Variants in TECTA observed in about 807,000 individuals in gnomAD.
TECTA encodes the protein alpha-tectorin.
TECTA carries 128 observed loss-of-function variants against 216.8 expected under a neutral mutation model. That is an observed-to-expected ratio of 0.59 (90% CI 0.51 to 0.68). The LOEUF is 0.68. TECTA is among the 30% of genes least tolerant of loss of function. The pLI is 0.00. For synonymous variants in TECTA, 1,089 were observed against 1,117.1 expected, an observed-to-expected ratio of 0.97 and a Z score of 0.50; for missense variants, 2,551 against 2,786.2, an observed-to-expected ratio of 0.92 and a Z score of 1.90.
chr11:121,149,118 C>T (rs1035498510), intron 12 of TECTA, among the ~76,000 whole-genome samples: 2 of 152,138 alleles, frequency 1.3e-5, no homozygotes, highest in Non-Finnish European at 2.9e-5. Flanking sequence ...ACTCATAGTC[C>T]CATTTTTTAG....
Position 121,113,475 on chromosome 11 carries a change from TA to T in TECTA, c.625-73del. ...TCTTGATTTTAGAGGTGCTGGATTT[TA>T]AAAATAAGGTAGTTGGGCCAGTTAA... On this transcript the variant is annotated intron_variant, in intron 5 of 23. Coordinates refer to ENST00000392793, the MANE Select transcript of TECTA (RefSeq NM_005422.4). This position sits in a 1 kb window ranked among gnomAD's most constrained non-coding sequence, Gnocchi z 4.2. 6.3e-7 allele frequency: 1 copy of T among 1,593,422 alleles called. No individual in the cohort carries two copies.
chr11:121,147,597 G>A (rs118061251), intron 12 of TECTA, among the ~76,000 whole-genome samples: 2 of 152,302 alleles, frequency 1.3e-5, no homozygotes, highest in African/African-American at 2.4e-5. Context: ...GGCTACTCTG[G>A]ATTCATTGGG....
Position 121,157,855 on chromosome 11 carries a change from T to G in TECTA, c.4320T>G (p.Phe1440Leu). The change falls in exon 14 of 24, where the codon TTT becomes TTG. Residue 1440 changes from phenylalanine to leucine, a missense_variant. This residue lies in a region of TECTA where 2,375 missense variants were observed against 2,563.9 expected (regional missense o/e 0.93). Transcript: ENST00000392793. Reference sequence around the variant, plus strand: ...CTCTCTTCCAGCCCAAGCAGCTATTTTGGAACAGCGACTGCACGCGGCGCT... The same window carrying G: ...CTCTCTTCCAGCCCAAGCAGCTATTGTGGAACAGCGACTGCACGCGGCGCT... ...DGKYYEPKQL[F>L]WNSDCTRRCR... 3 of 1,614,160 alleles carry G rather than the reference T, an allele frequency of 1.9e-6. No homozygotes were observed. The South Asian group carries it at 3.3e-5, about 18-fold the overall frequency.
Position 121,127,851 on chromosome 11 carries a change from C to T in TECTA, c.1874C>T (p.Thr625Met), listed in dbSNP as rs769750752. The change falls in exon 9 of 24, where the codon ACG becomes ATG. Residue 625 changes from threonine (T) to methionine (M), a missense_variant. By Grantham distance (81) the Thr-to-Met change is moderately conservative. This residue lies in a region of TECTA where 2,375 missense variants were observed against 2,563.9 expected (regional missense o/e 0.93). Transcript: ENST00000392793. This position sits in a 1 kb window ranked among gnomAD's most constrained non-coding sequence, Gnocchi z 5.0. ...SDLTASRNCA[T>M]PCTEGCECNQ... ...CTGACGGCCTCGCGGAACTGCGCCA[C>T]GCCGTGCACAGAGGGCTGCGAGTGC... is the stretch of plus-strand genomic sequence containing the variant. 28 of 1,614,080 alleles carry T rather than the reference C, an allele frequency of 1.7e-5. No individual in the cohort carries two copies. The highest frequency in any genetic ancestry group is 3.3e-4 in the Middle Eastern group (2 of 6,062).
At position 121,131,948 on chromosome 11, in the gene TECTA, C is replaced by T. The variant is rs1331517050; in HGVS notation, c.2941+1737C>T. Among the ~76,000 whole-genome samples, 4 of 152,148 alleles carry T rather than the reference C, an allele frequency of 2.6e-5. No homozygotes were observed. The South Asian group carries it at 6.2e-4, about 24-fold the overall frequency. On this transcript the variant is annotated intron_variant, in intron 10 of 23. Transcript: ENST00000392793. ...TTACACTGAGCATGATAGATTCGAT[C>T]GCTTGCTTAAGGTAGTGTCTGTCAG...
chr11:121,119,719 T>C (rs1238987773), intron 7 of TECTA, among the ~76,000 whole-genome samples: 1 of 152,180 alleles, frequency 6.6e-6, no homozygotes, highest in Non-Finnish European at 1.5e-5. Flanking sequence ...AAAAAATGTG[T>C]TGTAGTTTTA....
At chr11:121,175,265 G>C (rs1947153871) in intron 20 of TECTA, among the ~76,000 whole-genome samples, 1 of 151,388 alleles carries the variant, frequency 6.6e-6, no homozygotes, top group African/African-American at 2.4e-5. Flanking sequence ...TGCTTTTCTA[G>C]TTCTTTTAAT....
chr11:121,118,168 A>G (rs1946518041), intron 6 of TECTA, 138 bp from the exon 7 acceptor site: 4 of 1,114,688 alleles, frequency 3.6e-6, no homozygotes, highest in South Asian at 2.8e-5. Context: ...CTCATTTGTC[A>G]AATGAGGGTG....
At chr11:121,171,819 C>G (rs1392413307) in intron 20 of TECTA, among the ~76,000 whole-genome samples, 1 of 152,074 alleles carries the variant, frequency 6.6e-6, no homozygotes, top group African/African-American at 2.4e-5. Context: ...TTGATTGAAT[C>G]TTTAGGTTTT....
Position 121,113,762 on chromosome 11 carries a change from T to C in TECTA, c.790+44T>C. 2 of 1,610,600 alleles carry C rather than the reference T, an allele frequency of 1.2e-6. No individual in the cohort carries two copies. Among genetic ancestry groups the C allele is most frequent in the Non-Finnish European group, 8.5e-7 (1 of 1,179,300 alleles). ...CTGTGGCAAGGCAGGGTTTGTTTAG[T>C]GTAGATTGACAGGCAAGCTTTTAAG... On this transcript the variant is annotated intron_variant, in intron 6 of 23. Coordinates refer to ENST00000392793, the MANE Select transcript of TECTA (RefSeq NM_005422.4). The surrounding 1 kb of genome is among the most constrained non-coding windows in gnomAD (Gnocchi z 4.2).
At chr11:121,177,131 T>C (rs2134205317) in intron 20 of TECTA, among the ~76,000 whole-genome samples, 1 of 152,358 alleles carries the variant, frequency 6.6e-6, no homozygotes, top group South Asian at 2.1e-4. Flanking sequence ...TTTCCTCCTG[T>C]AGCTCGGAGT....
At chr11:121,117,129 A>G (rs1334472920) in intron 6 of TECTA, among the ~76,000 whole-genome samples, 4 of 152,180 alleles carry the variant, frequency 2.6e-5, no homozygotes, top group Non-Finnish European at 5.9e-5. Context: ...TGTTATTTAC[A>G]TTTCTTAATG....
rs1947041139 is a variant in TECTA, at chr11:121,165,333, G to A, written c.5333G>A (p.Gly1778Asp). 1.2e-6 allele frequency: 2 copies of A among 1,608,230 alleles called. No individual in the cohort carries two copies. Among genetic ancestry groups the A allele is most frequent in the Non-Finnish European group, 8.5e-7 (1 of 1,177,546 alleles). Residue 1778 changes from glycine (G) to aspartate (D), a missense_variant, in exon 17 of 24, where the codon GGC becomes GAC. Gly to Asp is a moderately conservative substitution (Grantham distance 94). Transcript: ENST00000392793. ...TGTCCCAACCGAACTTGCGAGCTGGGCAATGGCAGGGAGCTGTGTGGCTGC... is the reference window on the plus strand; with the variant it reads ...TGTCCCAACCGAACTTGCGAGCTGGACAATGGCAGGGAGCTGTGTGGCTGC... ...ADCPNRTCEL[G>D]NGRELCGCIE...
Position 121,157,980 on chromosome 11 carries a change from C to T in TECTA, c.4445C>T (p.Thr1482Ile). 1 of 1,613,426 alleles carries T rather than the reference C, an allele frequency of 6.2e-7. No homozygotes were observed. Among genetic ancestry groups the T allele is most frequent in the South Asian group, 1.1e-5 (1 of 91,080 alleles). ...AACGGGGTGCGCGGCTGCTTCAGCA[C>T]CAAGACCTCCTACTGCCTGGCGGCC... ...LRNGVRGCFS[T>I]KTSYCLAAGG... The change falls in exon 14 of 24, where the codon ACC (threonine) becomes ATC (isoleucine). Residue 1482 changes from threonine (T) to isoleucine (I), a missense_variant. Thr to Ile is a moderately conservative substitution (Grantham distance 89). Around this residue, in one of 3 missense-constraint regions of TECTA, gnomAD observed 2,375 missense variants for 2,563.9 expected, o/e 0.93. Coordinates refer to ENST00000392793, the MANE Select transcript of TECTA (RefSeq NM_005422.4).
Position 121,113,369 on chromosome 11 carries a change from A to G in TECTA, c.624+160A>G, listed in dbSNP as rs756658607. Among the ~76,000 whole-genome samples the G allele has an allele frequency of 3.9e-5, 6 of 152,014 alleles. No individual in the cohort carries two copies. Among genetic ancestry groups the G allele is most frequent in the Non-Finnish European group, 8.8e-5 (6 of 67,996 alleles). ...GAGGCTAGTCCTGCCCATGTTTGGC[A>G]CCCTGACTCGGCTATGAAATGAACT... On this transcript the variant is annotated intron_variant, in intron 5 of 23. Coordinates refer to ENST00000392793, the MANE Select transcript of TECTA (RefSeq NM_005422.4). This position sits in a 1 kb window ranked among gnomAD's most constrained non-coding sequence, Gnocchi z 4.2.
chr11:121,167,296 G>A (rs1030164114), intron 18 of TECTA, among the ~76,000 whole-genome samples: 6 of 152,190 alleles, frequency 3.9e-5, no homozygotes, highest in Non-Finnish European at 8.8e-5. Flanking sequence ...TTAGCTGGGT[G>A]TGGTGACAGT....
intron 22 of TECTA, 58 bp from the exon 23 acceptor site, chr11:121,189,706 A>G: frequency 6.7e-7 from 1 of 1,498,582 alleles, no homozygotes; most frequent in African/African-American, 1.4e-5. Context: ...CCTTCCCTTC[A>G]ATACCAGTGG....
In TECTA at chr11:121,112,180, A is replaced by G. The variant is rs116328179; in HGVS notation, c.487-892A>G. Among the ~76,000 whole-genome samples the G allele has an allele frequency of 5.7e-3, 869 of 152,350 alleles. 8 individuals carry two copies. Among genetic ancestry groups the G allele is most frequent in the African/African-American group, 0.02 (814 of 41,582 alleles). On this transcript the variant is annotated intron_variant, in intron 4 of 23. Coordinates refer to ENST00000392793, the MANE Select transcript of TECTA (RefSeq NM_005422.4). ...GATTAGCAAGAGGAAAATATAAAGG[A>G]CAGGGTTTGCTACAGCTTATTTCTG...
intron 2 of TECTA, among the ~76,000 whole-genome samples, chr11:121,103,048 A>G (rs1269789187): frequency 1.3e-5 from 2 of 152,166 alleles, no homozygotes; most frequent in Non-Finnish European, 2.9e-5. Flanking sequence ...TGTGCACTTC[A>G]TGTCTGATCA....
Sources: allele counts gnomAD v4.1 joint callset (sites outside exome capture counted in the v4.1 genomes callset), GRCh38; gene constraint gnomAD v4.1.1; regional missense constraint gnomAD v4.1.1; non-coding constraint Gnocchi (gnomAD v3.1); transcripts MANE v1.5; gene names NCBI Gene and HGNC (gene_info 2026-07-23, HGNC 2026-07-21).